UBE3B: variants seen among roughly 807,000 people sequenced by gnomAD.
The protein encoded by UBE3B is ubiquitin-protein ligase E3B.
UBE3B carries 80 observed loss-of-function variants against 132.3 expected under a neutral mutation model. The ratio of observed to expected loss-of-function variants is 0.60; its 90% CI spans 0.50 to 0.73. The LOEUF (loss-of-function observed/expected upper bound fraction) is 0.73, where lower values mean the gene tolerates loss of function less well. Among genes scored for constraint, UBE3B ranks in the 30% least tolerant of loss-of-function variants. The pLI is 0.00. For synonymous variants in UBE3B, 487 were observed against 520.4 expected, an observed-to-expected ratio of 0.94 and a Z score of 0.87; for missense variants, 1,196 against 1,362.5, an observed-to-expected ratio of 0.88 and a Z score of 1.92.
intron 9 of UBE3B, among the ~76,000 whole-genome samples, chr12:109,493,699 C>T (rs527519613): frequency 4.6e-5 from 7 of 152,290 alleles, no homozygotes; most frequent in African/African-American, 1.7e-4. Context: ...TCTATAAAAT[C>T]GTCAGTGGTG....
Position 109,497,935 on chromosome 12 carries a change from CTG to C in UBE3B, c.819+15_819+16del. 3.1e-6 allele frequency: 5 copies of C among 1,613,170 alleles called. No individual in the cohort carries two copies. Among genetic ancestry groups the C allele is most frequent in the Admixed American group, 1.7e-5 (1 of 59,978 alleles). On this transcript the variant is annotated intron_variant, in intron 10 of 27. Transcript: ENST00000342494. ...CAGTGACCCCTGAGGTAAGCAGGCT[CTG>C]TGAGTTCCCCGTGAAAACCCAATTG...
chr12:109,503,236 A>T (rs1157700024), intron 14 of UBE3B, 46 bp downstream of exon 14: 3 of 1,589,060 alleles, frequency 1.9e-6, no homozygotes, highest in Admixed American at 1.8e-5. Flanking sequence ...CATTTGGCAG[A>T]CAGTTTGTCT....
rs377462796 is a variant in UBE3B at position 109,486,567 on chromosome 12, C to G, written c.439C>G (p.Gln147Glu). The G allele has an allele frequency of 1.1e-5, 11 of 970,988 alleles. No individual in the cohort carries two copies. The highest frequency in any genetic ancestry group is 1.7e-5 in the Non-Finnish European group (11 of 666,510). The allele number at this position is 970,988 out of a possible 1,614,324, so 60.1% of individuals were successfully genotyped here. A position where few individuals can be genotyped will look rare whatever the true frequency, so the allele number is the denominator to read the frequency against. The change falls in exon 6 of 28, where the codon CAG (glutamine) becomes GAG (glutamate). Residue 147 changes from glutamine to glutamate, a missense_variant. By Grantham distance (29) the Gln-to-Glu change is conservative. Transcript: ENST00000342494. ...ILWYCCDFLK[Q>E]LKPEILQDSR... ...GTGGTACTGCTGTGATTTTCTCAAG[C>G]AGCTCAAGGTAACAAAAAAAAAAAA...
At chr12:109,493,006 TAGAGGCTAGACCCTCACAC>T (rs1367806710) in intron 9 of UBE3B, among the ~76,000 whole-genome samples, 2 of 152,232 alleles carry the variant, frequency 1.3e-5, no homozygotes, top group African/African-American at 4.8e-5. Context: ...CACATGCCTC[TAGAGGCTAGACCCTCACAC>T]AGAAGAACAG....
At chr12:109,546,812 T>G in the UBE3B span, among the ~76,000 whole-genome samples, 3 of 152,036 alleles carry the variant, frequency 2.0e-5, no homozygotes, top group Admixed American at 6.6e-5. Flanking sequence ...TGGGCTCAGG[T>G]GATCCTCCCA....
At chr12:109,497,210 G>T (rs1297086841) in intron 9 of UBE3B, among the ~76,000 whole-genome samples, 9 of 151,760 alleles carry the variant, frequency 5.9e-5, no homozygotes, top group Non-Finnish European at 5.9e-5. Flanking sequence ...TACAACCAGA[G>T]ATACATTGTT....
At position 109,498,222 on chromosome 12, in the gene UBE3B, A is replaced by C; in HGVS notation, c.820-11A>C. On this transcript the variant is annotated splice_polypyrimidine_tract_variant and intron_variant, in intron 10 of 27. Transcript: ENST00000342494. ...GCAGTTTCTGATTTAACGGTCTGCT[A>C]TTCTTTGCAGCGCCTCACTGTTTTA... 1 of 1,613,804 alleles carries C rather than the reference A, an allele frequency of 6.2e-7. No homozygotes were observed. The highest frequency in any genetic ancestry group is 8.5e-7 in the Non-Finnish European group (1 of 1,179,864).
At chr12:109,536,958 G>A (rs1883474855), downstream of UBE3B, among the ~76,000 whole-genome samples, 1 of 152,216 alleles carries the variant, frequency 6.6e-6, no homozygotes, top group Non-Finnish European at 1.5e-5. Flanking sequence ...CTTCCCAGAG[G>A]CAGCTGTCAC....
chr12:109,498,495 C>G, intron 11 of UBE3B, 142 bp downstream of exon 11: 2 of 960,024 alleles, frequency 2.1e-6, no homozygotes, highest in South Asian at 3.6e-5. Context: ...TTTAGATAGA[C>G]AGTTAAAATA....
chr12:109,528,504 G>C lies in UBE3B; in HGVS notation c.2628-1386G>C, dbSNP rs184861651. On this transcript the variant is annotated intron_variant, in intron 24 of 27. Coordinates refer to ENST00000342494, the MANE Select transcript of UBE3B (RefSeq NM_130466.4). ...GTAAAACATTTATTTGGACTCTACT[G>C]ATTTGGAATTGGTGAGAGTCATACG... The C allele has an allele frequency of 2.9e-5, 29 of 985,074 alleles. No homozygotes were observed. The East Asian group carries it at 3.1e-3, about 104-fold the overall frequency. 61.0% of individuals were successfully genotyped at this position (985,074 alleles called of 1,614,324 possible).
chr12:109,528,439 T>C, intron 24 of UBE3B: 1 of 985,254 alleles, frequency 1.0e-6, no homozygotes, highest in Non-Finnish European at 1.2e-6. Context: ...AAAATTTTTT[T>C]AAATAGGGAT....
At chr12:109,524,608 G>T (rs1882104670) in intron 23 of UBE3B, 105 bp downstream of exon 23, 3 of 1,294,634 alleles carry the variant, frequency 2.3e-6, no homozygotes, top group South Asian at 1.3e-5. Flanking sequence ...CTGAGGCTCT[G>T]TCTGGTCCCT....
chr12:109,499,703 G>T lies in UBE3B; in HGVS notation c.1011G>T (p.Leu337Phe). The T allele has an allele frequency of 2.5e-6, 4 of 1,613,426 alleles. No homozygotes were observed. The highest frequency in any genetic ancestry group is 3.4e-6 in the Non-Finnish European group (4 of 1,179,638). The change falls in exon 12 of 28, where the codon TTG (leucine) becomes TTT (phenylalanine). Residue 337 changes from leucine to phenylalanine, a missense_variant. By Grantham distance (22) the Leu-to-Phe change is conservative. Transcript: ENST00000342494. ...LEEETDGFVSLLTQTLCYCRK... is the reference protein window; with the variant it reads ...LEEETDGFVSFLTQTLCYCRK... ...AGGAGACAGATGGGTTCGTGAGTTT[G>T]CTCACCCAGACGCTGTGCTACTGTC... is the stretch of plus-strand genomic sequence containing the variant.
chr12:109,497,563 A>C (rs1878383924), intron 9 of UBE3B, among the ~76,000 whole-genome samples: 1 of 151,724 alleles, frequency 6.6e-6, no homozygotes, highest in Non-Finnish European at 1.5e-5. Flanking sequence ...TTTAAAGTTC[A>C]TTGTAGCATG....
chr12:109,493,030 G>A (rs1877698728), intron 9 of UBE3B, among the ~76,000 whole-genome samples: 1 of 152,098 alleles, frequency 6.6e-6, no homozygotes, highest in Admixed American at 6.5e-5. Flanking sequence ...TCACACAGAA[G>A]AACAGGATGT....
chr12:109,535,648 T>C lies in UBE3B; in HGVS notation c.*866T>C, dbSNP rs1315754758. 6.6e-6 allele frequency: 1 copy of C among 152,164 alleles called. No individual in the cohort carries two copies. The highest frequency in any genetic ancestry group is 1.5e-5 in the Non-Finnish European group (1 of 68,026). The allele number at this position is 152,164 out of a possible 1,614,324, so 9.4% of individuals were successfully genotyped here. A position where few individuals can be genotyped will look rare whatever the true frequency, so the allele number is the denominator to read the frequency against. The stretch of plus-strand genomic sequence containing the variant: ...CTTATTTGTCTCACTGGTTATCTAA[T>C]GAGGAACAAACACTAACCTAAGGTA... On this transcript the variant is annotated 3_prime_UTR_variant, in exon 28 of 28. Coordinates refer to ENST00000342494, the MANE Select transcript of UBE3B (RefSeq NM_130466.4).
chr12:109,534,583 G>A lies in UBE3B; in HGVS notation c.3016-8G>A. On this transcript the variant is annotated splice_region_variant and splice_polypyrimidine_tract_variant and intron_variant, in intron 27 of 27. Transcript: ENST00000342494. The surrounding 1 kb of genome is among the most constrained non-coding windows in gnomAD (Gnocchi z 5.2). ...TTCCCAATTCAAGGCCACGATGTGT[G>A]CCTTCAGGACACCGGGGACACTCTG... is the stretch of plus-strand genomic sequence containing the variant. 1 of 1,602,018 alleles carries A rather than the reference G, an allele frequency of 6.2e-7. No homozygotes were observed. Among genetic ancestry groups the A allele is most frequent in the Middle Eastern group, 1.7e-4 (1 of 6,000 alleles).
At position 109,534,647 on chromosome 12, in the gene UBE3B, G is replaced by A; in HGVS notation, c.3072G>A (p.Arg1024=). 6.2e-7 allele frequency: 1 copy of A among 1,611,814 alleles called. No individual in the cohort carries two copies. The highest frequency in any genetic ancestry group is 8.5e-7 in the Non-Finnish European group (1 of 1,178,960). The change falls in exon 28 of 28, where the codon CGG becomes CGA. Residue 1024 remains arginine, a synonymous_variant. Coordinates refer to ENST00000342494, the MANE Select transcript of UBE3B (RefSeq NM_130466.4). The surrounding 1 kb of genome is among the most constrained non-coding windows in gnomAD (Gnocchi z 5.2). ...VLRGFFTIRK[R]EPGGRLPTSS... is the part of the protein sequence containing the mutation. ...GGGGCTTCTTCACCATCCGCAAGCG[G>A]GAGCCAGGCGGCCGCCTGCCCACCT...
rs867439832 is a variant in UBE3B, at chr12:109,501,436, G to A, written c.1184G>A (p.Arg395Gln). Residue 395 changes from arginine to glutamine, a missense_variant, in exon 13 of 28, where the codon CGG (arginine) becomes CAG (glutamine). Physicochemically the swap from Arg to Gln is conservative, Grantham distance 43. Coordinates refer to ENST00000342494, the MANE Select transcript of UBE3B (RefSeq NM_130466.4). The stretch of plus-strand genomic sequence containing the variant: ...TTCTTGTGGGGGGTGCCTCTGATCC[G>A]GATCTTCTTCTGTGACATCCTGAGC... ...LQFLWGVPLIRIFFCDILSKK... is the reference protein window; with the variant it reads ...LQFLWGVPLIQIFFCDILSKK... 1.1e-5 allele frequency: 17 copies of A among 1,614,008 alleles called. 1 individual carries two copies. In the Middle Eastern group the frequency reaches 4.9e-4, roughly 47 times the overall value.
Sources: allele counts gnomAD v4.1 joint callset (sites outside exome capture counted in the v4.1 genomes callset), GRCh38; gene constraint gnomAD v4.1.1; non-coding constraint Gnocchi (gnomAD v3.1); transcripts MANE v1.5; gene names NCBI Gene and HGNC (gene_info 2026-07-23, HGNC 2026-07-21).